LPP: variants seen among roughly 807,000 people sequenced by gnomAD.
LPP encodes lipoma-preferred partner.
LPP carries 38 observed loss-of-function variants against 60.4 expected under a neutral mutation model. The ratio of observed to expected loss-of-function variants is 0.63; its 90% CI spans 0.49 to 0.83. The LOEUF is 0.83. LPP is among the 40% of genes least tolerant of loss of function. The pLI is 0.00. For synonymous variants in LPP, 328 were observed against 290.8 expected (o/e 1.13, Z -1.30); for missense variants, 902 against 783.6 (o/e 1.15, Z -1.80).
intron 6 of LPP, among the ~76,000 whole-genome samples, chr3:188,603,044 TAA>T (rs1841728423): frequency 6.7e-6 from 1 of 149,270 alleles, no homozygotes; most frequent in African/African-American, 2.4e-5. Context: ...ATAATAATAA[TAA>T]TAATAATAAT....
intron 4 of LPP, among the ~76,000 whole-genome samples, chr3:188,432,471 T>A (rs531477782): frequency 6.6e-6 from 1 of 152,300 alleles, no homozygotes; most frequent in East Asian, 1.9e-4. Context: ...CACGAAGTTC[T>A]AAGATAAAAA....
intron 7 of LPP, among the ~76,000 whole-genome samples, chr3:188,692,578 G>A (rs1052417089): frequency 6.6e-6 from 1 of 152,102 alleles, no homozygotes; most frequent in African/African-American, 2.4e-5. Context: ...CTTTCTCTGT[G>A]CTCTGATAGC....
chr3:188,454,817 A>C (rs1318629181), intron 4 of LPP, among the ~76,000 whole-genome samples: 1 of 152,182 alleles, frequency 6.6e-6, no homozygotes, highest in East Asian at 1.9e-4. Context: ...CATGATTCAC[A>C]TGATCTCCCA....
chr3:188,847,319 C>A (rs919060842), intron 9 of LPP, among the ~76,000 whole-genome samples: 2 of 152,060 alleles, frequency 1.3e-5, no homozygotes, highest in Non-Finnish European at 2.9e-5. Flanking sequence ...AGGTGGAAGC[C>A]TTGAGGAATG....
At chr3:188,241,926 T>A (rs1171767137) in intron 2 of LPP, among the ~76,000 whole-genome samples, 1 of 152,334 alleles carries the variant, frequency 6.6e-6, no homozygotes, top group East Asian at 1.9e-4. Context: ...AAGGTCTTTA[T>A]TCCAGTGACC....
At chr3:188,765,857 A>C (rs1337702281) in intron 9 of LPP, among the ~76,000 whole-genome samples, 1 of 122,958 alleles carries the variant, frequency 8.1e-6, no homozygotes, top group Non-Finnish European at 1.7e-5. Context: ...CTTAATGTTC[A>C]ACTCTTTTTT....
intron 9 of LPP, among the ~76,000 whole-genome samples, chr3:188,793,433 C>T (rs1433132211): frequency 6.6e-6 from 1 of 152,090 alleles, no homozygotes; most frequent in Non-Finnish European, 1.5e-5. Flanking sequence ...CCTCCCACCT[C>T]AGCCTCCCAA....
At chr3:188,564,233 T>G (rs1269676997) in intron 6 of LPP, among the ~76,000 whole-genome samples, 1 of 151,988 alleles carries the variant, frequency 6.6e-6, no homozygotes, top group Non-Finnish European at 1.5e-5. Flanking sequence ...GCCATACTCC[T>G]TCTTTCCACC....
intron 2 of LPP, among the ~76,000 whole-genome samples, chr3:188,286,385 A>G (rs1240374159): frequency 6.6e-6 from 1 of 152,238 alleles, no homozygotes; most frequent in East Asian, 1.9e-4. Context: ...GTTTGGCAGC[A>G]TGCTGGAATT....
chr3:188,505,112 G>A (rs1401264098), intron 5 of LPP, among the ~76,000 whole-genome samples: 1 of 152,132 alleles, frequency 6.6e-6, no homozygotes, highest in Admixed American at 6.6e-5. Context: ...ACCATCTAAA[G>A]CTTCCCTCCA....
At chr3:188,323,419 G>A (rs1757501410) in intron 2 of LPP, among the ~76,000 whole-genome samples, 1 of 152,166 alleles carries the variant, frequency 6.6e-6, no homozygotes, top group East Asian at 1.9e-4. Context: ...CTTCACAGAT[G>A]AGGGCCTCTT....
intron 9 of LPP, among the ~76,000 whole-genome samples, chr3:188,809,617 C>T (rs1193050527): frequency 6.6e-6 from 1 of 152,056 alleles, no homozygotes; most frequent in Non-Finnish European, 1.5e-5. Context: ...AAATTTTCTC[C>T]CTTTCTGTAG....
intron 9 of LPP, among the ~76,000 whole-genome samples, chr3:188,838,650 T>TA (rs2151698946): frequency 6.6e-6 from 1 of 152,246 alleles, no homozygotes; most frequent in South Asian, 2.1e-4. Context: ...ATGTGGCACA[T>TA]ACACGCCATG....
intron 2 of LPP, among the ~76,000 whole-genome samples, chr3:188,245,333 G>A (rs1318573148): frequency 3.9e-5 from 6 of 152,062 alleles, no homozygotes; most frequent in Non-Finnish European, 7.3e-5. Context: ...TGCTGGTCTC[G>A]AACTTCTGAC....
At chr3:188,856,038 A>G (rs1028443550) in intron 9 of LPP, among the ~76,000 whole-genome samples, 1 of 152,154 alleles carries the variant, frequency 6.6e-6, no homozygotes. Flanking sequence ...AAAGGTAACA[A>G]AATTGAGGGT....
At chr3:188,246,851 CTT>C (rs1727141620) in intron 2 of LPP, among the ~76,000 whole-genome samples, 1 of 152,164 alleles carries the variant, frequency 6.6e-6, no homozygotes, top group Non-Finnish European at 1.5e-5. Flanking sequence ...AATTAAGTAA[CTT>C]AATAATTTAT....
chr3:188,203,441 T>A (rs9790253), intron 1 of LPP, among the ~76,000 whole-genome samples: 1 of 88,126 alleles, frequency 1.1e-5, no homozygotes, highest in Non-Finnish European at 1.9e-5. Flanking sequence ...AAATATATAT[T>A]TATATAAATA....
chr3:188,374,338 G>A (rs1218021744), intron 3 of LPP, among the ~76,000 whole-genome samples: 2 of 152,256 alleles, frequency 1.3e-5, no homozygotes, highest in South Asian at 2.1e-4. Context: ...TCCTACCCGT[G>A]AGCATGGAAT....
chr3:188,353,225 C>T (rs1184816574), intron 3 of LPP, among the ~76,000 whole-genome samples: 1 of 152,164 alleles, frequency 6.6e-6, no homozygotes. Flanking sequence ...TTCTCCCTTC[C>T]ACTTTTTATT....
Sources: allele counts gnomAD v4.1 joint callset (sites outside exome capture counted in the v4.1 genomes callset), GRCh38; gene constraint gnomAD v4.1.1; transcripts MANE v1.5; gene names NCBI Gene and HGNC (gene_info 2026-07-23, HGNC 2026-07-21).